Variants in COL5A3 observed in about 807,000 individuals in gnomAD.
COL5A3 encodes the protein collagen alpha-3(V) chain.
A neutral mutation model predicts 250.0 loss-of-function variants in COL5A3; 172 were observed. The ratio of observed to expected loss-of-function variants is 0.69; its 90% confidence interval spans 0.61 to 0.78. The LOEUF (loss-of-function observed/expected upper bound fraction) is 0.78. COL5A3 is among the 30% of genes least tolerant of loss of function. The probability of loss-of-function intolerance (pLI) is 0.00; values close to 1 mark genes in which losing one functional copy is unlikely to be tolerated. For missense variants in COL5A3, 2,340 were observed against 2,334.4 expected (o/e 1.00, Z -0.05); for synonymous variants, 937 against 900.4 (o/e 1.04, Z -0.73).
intron 64 of COL5A3, 91 bp from the exon 65 acceptor site, chr19:9,962,978 G>C (rs181142572): frequency 1.1e-6 from 1 of 950,042 alleles, no homozygotes; most frequent in African/African-American, 1.6e-5. Flanking sequence ...GTAGGCTGTT[G>C]TGACTATGTC....
chr19:9,962,111 CTT>C (rs200363567), intron 65 of COL5A3, among the ~76,000 whole-genome samples: 7 of 142,012 alleles, frequency 4.9e-5, no homozygotes, highest in African/African-American at 7.7e-5. Context: ...CTTAATAATG[CTT>C]TTTTTTTTTT....
intron 10 of COL5A3, among the ~76,000 whole-genome samples, chr19:9,997,677 C>T (rs1309961389): frequency 6.6e-6 from 1 of 152,138 alleles, no homozygotes; most frequent in Non-Finnish European, 1.5e-5. Flanking sequence ...TCATAGCTCA[C>T]TGCAGCCTCC....
intron 6 of COL5A3, 152 bp downstream of exon 6, chr19:10,003,413 G>T: frequency 1.4e-6 from 1 of 716,652 alleles, no homozygotes; most frequent in Non-Finnish European, 2.3e-6. Context: ...CAGAGCTCAT[G>T]GATCCGAGAC....
intron 31 of COL5A3, among the ~76,000 whole-genome samples, chr19:9,983,321 G>A (rs2087035330): frequency 2.0e-5 from 3 of 151,884 alleles, no homozygotes; most frequent in African/African-American, 7.3e-5. Flanking sequence ...GGGCAGCATA[G>A]CGAGACCCTG....
rs767343806 is a variant in COL5A3, at chr19:10,003,549, G to A, written c.849+16C>T. The A allele has an allele frequency of 6.2e-7, 1 of 1,613,514 alleles. No individual in the cohort carries two copies. Among genetic ancestry groups the A allele is most frequent in the Non-Finnish European group, 8.5e-7 (1 of 1,179,556 alleles). ...AGGTGGTCAAAACCGGAAGTGAGAG[G>A]TCTCAGGGCCCTTACCTGGTTCTCT... On this transcript the variant is annotated intron_variant, in intron 6 of 66. Coordinates refer to ENST00000264828, the MANE Select transcript of COL5A3 (RefSeq NM_015719.4).
chr19:9,992,592 C>T (rs1010129408), intron 21 of COL5A3, among the ~76,000 whole-genome samples: 2 of 152,076 alleles, frequency 1.3e-5, no homozygotes, highest in East Asian at 3.9e-4. Context: ...ACCTAACTAA[C>T]ATGGTGAAAC....
At chr19:9,992,919 G>A (rs760234666) in intron 20 of COL5A3, 39 bp from the exon 21 acceptor site, 3 of 1,609,146 alleles carry the variant, frequency 1.9e-6, no homozygotes, top group South Asian at 1.1e-5. Flanking sequence ...CATCACCTCT[G>A]TGTGGCCATG....
chr19:9,997,311 C>T (rs1447851225), intron 11 of COL5A3, 60 bp downstream of exon 11: 12 of 1,313,702 alleles, frequency 9.1e-6, no homozygotes, highest in African/African-American at 4.3e-5. Flanking sequence ...CAGACTGTCA[C>T]GCTCCCAGCC....
At position 9,996,210 on chromosome 19, in the gene COL5A3, G is replaced by A. The variant is rs373482804; in HGVS notation, c.1475C>T (p.Pro492Leu). ...GPVGLTGRPGPVGLPGHPGLK... is the reference protein window; with the variant it reads ...GPVGLTGRPGLVGLPGHPGLK... ...CCACGCAGTCGCCTTACTCACCACA[G>A]GGCCTGGGCGCCCAGTGAGCCCCAC... The change falls in exon 14 of 67, where the codon CCT (proline) becomes CTT (leucine). Residue 492 changes from proline to leucine, a missense_variant. Pro to Leu is a moderately conservative substitution (Grantham distance 98). Around this residue, in one of 3 missense-constraint regions of COL5A3, gnomAD observed 1,152 missense variants for 1,146.3 expected, o/e 1.00. Transcript: ENST00000264828. 1.3e-6 allele frequency: 2 copies of A among 1,573,108 alleles called. No homozygotes were observed. The highest frequency in any genetic ancestry group is 2.2e-5 in the East Asian group (1 of 44,508).
At chr19:9,977,814 G>C (rs1243144206) in intron 41 of COL5A3, 113 bp from the exon 42 acceptor site, 6 of 803,934 alleles carry the variant, frequency 7.5e-6, no homozygotes, top group Non-Finnish European at 1.1e-5. Context: ...TATCTAACCT[G>C]TTCCCCTCCT....
Position 9,973,627 on chromosome 19 carries a change from C to T in COL5A3, c.3613-4G>A, listed in dbSNP as rs754344891. 9 of 1,612,338 alleles carry T rather than the reference C, an allele frequency of 5.6e-6. No homozygotes were observed. Among genetic ancestry groups the T allele is most frequent in the Non-Finnish European group, 7.6e-6 (9 of 1,179,104 alleles). ...CTCCAGCGTCCCCTCGCTCACCCTG[C>T]AGGAGGCAAAGTGAGAGTGGGGAGA... On this transcript the variant is annotated splice_polypyrimidine_tract_variant and splice_region_variant and intron_variant, in intron 49 of 66. Coordinates refer to ENST00000264828, the MANE Select transcript of COL5A3 (RefSeq NM_015719.4).
At chr19:10,002,340 C>G (rs566411295) in intron 6 of COL5A3, among the ~76,000 whole-genome samples, 2 of 152,060 alleles carry the variant, frequency 1.3e-5, no homozygotes, top group South Asian at 4.2e-4. Context: ...GAGGAAGGGG[C>G]TGAAGAGGGG....
At chr19:9,993,251 C>T in intron 19 of COL5A3, 129 bp downstream of exon 19, 5 of 1,169,124 alleles carry the variant, frequency 4.3e-6, no homozygotes, top group Non-Finnish European at 6.4e-6. Flanking sequence ...CAAGTCTCAC[C>T]TCCTCACCCC....
At chr19:10,002,213 T>G (rs2087373810) in intron 6 of COL5A3, among the ~76,000 whole-genome samples, 1 of 147,270 alleles carries the variant, frequency 6.8e-6, no homozygotes, top group African/African-American at 2.5e-5. Flanking sequence ...CAGGCCACAG[T>G]CAGAGAGGGA....
At chr19:9,989,578 C>T (rs909996528) in intron 24 of COL5A3, 56 bp from the exon 25 acceptor site, 2 of 1,489,564 alleles carry the variant, frequency 1.3e-6, no homozygotes, top group African/African-American at 2.8e-5. Flanking sequence ...CCTGGAGCAC[C>T]ACTAGGATCT....
Position 9,970,686 on chromosome 19 carries a change from C to A in COL5A3, c.3883-11G>T. 1 of 1,427,582 alleles carries A rather than the reference C, an allele frequency of 7.0e-7. No homozygotes were observed. Among genetic ancestry groups the A allele is most frequent in the African/African-American group, 1.5e-5 (1 of 68,346 alleles). 88.4% of individuals were successfully genotyped at this position (1,427,582 alleles called of 1,614,324 possible). On this transcript the variant is annotated splice_polypyrimidine_tract_variant and intron_variant, in intron 53 of 66. Transcript: ENST00000264828. ...AGCTCCAGGCGGACCCTGGAGGAGA[C>A]AAGGACACCAGCTGTGGTCTCAGCT...
intron 10 of COL5A3, 148 bp downstream of exon 10, chr19:9,997,836 C>T: frequency 1.3e-6 from 1 of 741,272 alleles, no homozygotes; most frequent in Non-Finnish European, 2.3e-6. Flanking sequence ...GTTCATCCTC[C>T]CTATTTTGAC....
chr19:9,999,077 TC>T (rs1372568233), intron 8 of COL5A3, among the ~76,000 whole-genome samples: 1 of 151,992 alleles, frequency 6.6e-6, no homozygotes, highest in African/African-American at 2.4e-5. Flanking sequence ...CTTTCTTTTT[TC>T]TTTTTTTTCA....
intron 45 of COL5A3, among the ~76,000 whole-genome samples, chr19:9,974,752 GT>G (rs35751305): frequency 0.2 from 29,796 of 151,958 alleles, 3,094 homozygotes; most frequent in South Asian, 0.32. Context: ...CATTGGAAGA[GT>G]TGGGTCAGAG....
Sources: gnomAD v4.1 joint callset for allele counts (sites outside exome capture counted in the v4.1 genomes callset) on GRCh38, gnomAD v4.1.1 for gene constraint, gnomAD v4.1.1 regional missense constraint, MANE v1.5 for transcripts, NCBI Gene and HGNC (gene_info 2026-07-23, HGNC 2026-07-21) for gene names.